The following SYNPR variants were observed in gnomAD, a reference collection of about 807,000 sequenced individuals.
SYNPR encodes synaptoporin.
SYNPR carries 23 observed loss-of-function variants against 32.9 expected under a neutral mutation model. That is an observed-to-expected ratio of 0.70 (90% CI 0.50 to 0.99). The LOEUF is 0.99. Ranked by LOEUF, SYNPR falls within the 50% of genes least tolerant of loss-of-function variation. The pLI, the probability that SYNPR is intolerant of heterozygous loss-of-function variation, is 0.00. For missense variants in SYNPR, 318 were observed against 349.3 expected (o/e 0.91, Z 0.71); for synonymous variants, 146 against 135.9 (o/e 1.07, Z -0.52).
intron 2 of SYNPR, among the ~76,000 whole-genome samples, chr3:63,357,808 T>G (rs1318928502): frequency 6.6e-6 from 1 of 152,196 alleles, no homozygotes; most frequent in Non-Finnish European, 1.5e-5. Flanking sequence ...CTAAGGAGAT[T>G]ATGCTTACAT....
intron 2 of SYNPR, among the ~76,000 whole-genome samples, chr3:63,326,899 G>C (rs1233922579): frequency 1.3e-5 from 2 of 151,840 alleles, no homozygotes; most frequent in African/African-American, 4.8e-5. Flanking sequence ...ATTTGGAAAT[G>C]TTCTTAATTT....
chr3:63,277,937 AAT>A (rs778251872), upstream of SYNPR, among the ~76,000 whole-genome samples: 5 of 151,976 alleles, frequency 3.3e-5, no homozygotes, highest in Admixed American at 6.5e-5. Flanking sequence ...AGAGCCAACA[AAT>A]AGTTATTTTT....
intron 4 of SYNPR, among the ~76,000 whole-genome samples, chr3:63,571,103 C>T (rs928038500): frequency 3.3e-5 from 5 of 152,106 alleles, no homozygotes; most frequent in South Asian, 2.1e-4. Context: ...ATCAAGACCA[C>T]GCCTCATCTC....
At chr3:63,227,849 G>C (rs1353037748), upstream of SYNPR, among the ~76,000 whole-genome samples, 1 of 152,150 alleles carries the variant, frequency 6.6e-6, no homozygotes, top group Non-Finnish European at 1.5e-5. Context: ...CTAACTCCAA[G>C]AGTTAGAAGA....
chr3:63,205,841 T>C, the SYNPR span, among the ~76,000 whole-genome samples: 1 of 152,240 alleles, frequency 6.6e-6, no homozygotes. Context: ...AAATATGATG[T>C]TGCACATCTT....
the SYNPR span, among the ~76,000 whole-genome samples, chr3:63,220,638 G>A: frequency 2.6e-5 from 4 of 152,144 alleles, no homozygotes; most frequent in Non-Finnish European, 5.9e-5. Flanking sequence ...CTTCACTCCA[G>A]CAGATGCACT....
intron 2 of SYNPR, among the ~76,000 whole-genome samples, chr3:63,470,694 A>G (rs1384542693): frequency 5.9e-5 from 9 of 151,980 alleles, no homozygotes; most frequent in South Asian, 4.2e-4. Flanking sequence ...AATCATCCCA[A>G]CCCTCTTCCT....
chr3:63,292,242 T>C (rs1256166168), intron 2 of SYNPR, among the ~76,000 whole-genome samples: 1 of 152,226 alleles, frequency 6.6e-6, no homozygotes, highest in African/African-American at 2.4e-5. Context: ...CATGTAATAA[T>C]TGTGCATATT....
the SYNPR span, among the ~76,000 whole-genome samples, chr3:63,222,683 A>C: frequency 6.6e-6 from 1 of 152,062 alleles, no homozygotes; most frequent in Non-Finnish European, 1.5e-5. Flanking sequence ...TGCCCAACTA[A>C]TTTATGTATT....
chr3:63,478,039 A>G (rs1700965294), intron 2 of SYNPR, among the ~76,000 whole-genome samples: 2 of 152,190 alleles, frequency 1.3e-5, no homozygotes. Context: ...GGGAAGGGAG[A>G]AATGTAACCT....
intron 2 of SYNPR, among the ~76,000 whole-genome samples, chr3:63,303,051 T>G (rs2086873677): frequency 6.6e-6 from 1 of 151,920 alleles, no homozygotes; most frequent in Admixed American, 6.6e-5. Flanking sequence ...TAACAGCAAG[T>G]ACAGTGAAGA....
chr3:63,256,422 G>C (rs936091236), intron 2 of SYNPR, among the ~76,000 whole-genome samples: 1 of 152,192 alleles, frequency 6.6e-6, no homozygotes, highest in African/African-American at 2.4e-5. Context: ...AATATCCGCT[G>C]TTCTGCAGCC....
the SYNPR span, among the ~76,000 whole-genome samples, chr3:63,221,631 G>A: frequency 6.6e-6 from 1 of 152,140 alleles, no homozygotes; most frequent in Non-Finnish European, 1.5e-5. Context: ...AGACCTGGCT[G>A]AGAGGAAGAA....
rs1701971554 is a variant in SYNPR, at chr3:63,524,570, AC to A, written c.210-31972del. 2.0e-5 allele frequency among the ~76,000 whole-genome samples: 3 copies of A among 152,070 alleles called. No individual in the cohort carries two copies. In the South Asian group the frequency reaches 6.2e-4, roughly 32 times the overall value. On this transcript the variant is annotated intron_variant, in intron 3 of 5. Coordinates refer to ENST00000478300, the MANE Select transcript of SYNPR (RefSeq NM_001130003.2). Reference sequence around the variant, plus strand: ...CAGAGCATAGATTGGGCAATGGCTCACTGATGGTCATGACCCTTTCGCCCTG... The same window carrying A: ...CAGAGCATAGATTGGGCAATGGCTCATGATGGTCATGACCCTTTCGCCCTG...
intron 3 of SYNPR, among the ~76,000 whole-genome samples, chr3:63,534,521 G>A (rs1702167656): frequency 6.6e-6 from 1 of 152,100 alleles, no homozygotes; most frequent in African/African-American, 2.4e-5. Context: ...GTGCTTCTGT[G>A]TATCAGATAC....
intron 3 of SYNPR, among the ~76,000 whole-genome samples, chr3:63,271,476 C>T (rs559810196): frequency 6.6e-6 from 1 of 152,174 alleles, no homozygotes; most frequent in Admixed American, 6.5e-5. Context: ...ACTATTTTGT[C>T]ATATTAAAGT....
intron 2 of SYNPR, among the ~76,000 whole-genome samples, chr3:63,349,751 C>T (rs1219097077): frequency 6.6e-6 from 1 of 152,260 alleles, no homozygotes; most frequent in South Asian, 2.1e-4. Flanking sequence ...TCCTTCTACT[C>T]ATTTTGAGCA....
At chr3:63,371,745 C>T (rs961587695) in intron 2 of SYNPR, among the ~76,000 whole-genome samples, 3 of 152,200 alleles carry the variant, frequency 2.0e-5, no homozygotes, top group East Asian at 3.9e-4. Flanking sequence ...CCCTGGACCT[C>T]GGACTCTAGC....
chr3:63,528,999 A>G (rs1203856382), intron 3 of SYNPR, among the ~76,000 whole-genome samples: 1 of 152,228 alleles, frequency 6.6e-6, no homozygotes, highest in Non-Finnish European at 1.5e-5. Context: ...GAACTCATGA[A>G]TCTCCTGTTT....
Sources: allele counts gnomAD v4.1 joint callset (sites outside exome capture counted in the v4.1 genomes callset), GRCh38; gene constraint gnomAD v4.1.1; transcripts MANE v1.5; gene names NCBI Gene and HGNC (gene_info 2026-07-23, HGNC 2026-07-21).